The following SRBD1 variants were observed in gnomAD, a reference collection of about 807,000 sequenced individuals.
SRBD1 encodes S1 RNA binding domain 1.
SRBD1 carries 88 observed loss-of-function variants against 115.3 expected under a neutral mutation model. That is an observed-to-expected ratio of 0.76 (90% CI 0.64 to 0.91). SRBD1 has a LOEUF of 0.91. SRBD1 is among the 40% of genes least tolerant of loss of function. The pLI, the probability that SRBD1 is intolerant of heterozygous loss-of-function variation, is 0.00. For missense variants in SRBD1, 1,385 were observed against 1,177.4 expected, an observed-to-expected ratio of 1.18 and a Z score of -2.58; for synonymous variants, 509 against 407.7, an observed-to-expected ratio of 1.25 and a Z score of -2.99.
At chr2:45,518,534 C>G (rs1671187997) in intron 14 of SRBD1, among the ~76,000 whole-genome samples, 1 of 152,162 alleles carries the variant, frequency 6.6e-6, no homozygotes, top group East Asian at 1.9e-4. Context: ...CACCTCATAC[C>G]TCTCATTACC....
chr2:45,562,093 C>T (rs1672681360), intron 10 of SRBD1, among the ~76,000 whole-genome samples: 1 of 152,174 alleles, frequency 6.6e-6, no homozygotes, highest in African/African-American at 2.4e-5. Flanking sequence ...CAGAGATAAT[C>T]ACTATCAAAA....
chr2:45,453,372 C>A (rs1362925715), intron 16 of SRBD1, among the ~76,000 whole-genome samples: 1 of 151,726 alleles, frequency 6.6e-6, no homozygotes, highest in Non-Finnish European at 1.5e-5. Flanking sequence ...CAGAGTTAAG[C>A]ACTTTTATTA....
intron 16 of SRBD1, among the ~76,000 whole-genome samples, chr2:45,476,455 C>T (rs1440346649): frequency 1.3e-5 from 2 of 152,136 alleles, no homozygotes; most frequent in Non-Finnish European, 2.9e-5. Context: ...AGACAACTTC[C>T]CCACATACCA....
chr2:45,425,794 G>A (rs760880761), intron 16 of SRBD1, among the ~76,000 whole-genome samples: 10 of 152,160 alleles, frequency 6.6e-5, no homozygotes, highest in African/African-American at 1.2e-4. Flanking sequence ...GGACTGTGCT[G>A]TGAGGAATGG....
chr2:45,473,481 G>C (rs1189237583), intron 16 of SRBD1, among the ~76,000 whole-genome samples: 1 of 152,102 alleles, frequency 6.6e-6, no homozygotes, highest in Non-Finnish European at 1.5e-5. Context: ...TTTTGGAAGG[G>C]AGTACTTCCA....
chr2:45,484,905 G>A (rs1383482103), intron 15 of SRBD1, among the ~76,000 whole-genome samples: 4 of 152,160 alleles, frequency 2.6e-5, no homozygotes. Context: ...ATATGGTGTT[G>A]TAGCATGTAC....
chr2:45,450,489 G>A (rs1668961090), intron 16 of SRBD1, among the ~76,000 whole-genome samples: 1 of 152,094 alleles, frequency 6.6e-6, no homozygotes, highest in Non-Finnish European at 1.5e-5. Flanking sequence ...TATACTGGAA[G>A]AGTTACAATA....
chr2:45,449,686 A>G lies in SRBD1; in HGVS notation c.2049+27307T>C, dbSNP rs138962498. ...TTTTCAGAGCTATACAAATTAAAAC[A>G]CTGTATTTTTACACCAACATTCTCA... On this transcript the variant is annotated intron_variant, in intron 16 of 20. Transcript: ENST00000263736. Among the ~76,000 whole-genome samples, 349 of 152,306 alleles carry G rather than the reference A, an allele frequency of 2.3e-3. 2 individuals carry two copies. The highest frequency in any genetic ancestry group is 8.1e-3 in the African/African-American group (336 of 41,580).
chr2:45,403,999 C>A (rs974400189), intron 19 of SRBD1, among the ~76,000 whole-genome samples: 7 of 152,016 alleles, frequency 4.6e-5, no homozygotes, highest in South Asian at 2.1e-4. Flanking sequence ...AGGTGATTTA[C>A]GCCCTCCAGG....
intron 16 of SRBD1, among the ~76,000 whole-genome samples, chr2:45,463,407 T>A (rs1294992505): frequency 2.0e-5 from 3 of 152,192 alleles, no homozygotes; most frequent in Admixed American, 2.0e-4. Context: ...TTAAAGATCA[T>A]GATCAACTCA....
At chr2:45,507,901 C>A (rs1670844300) in intron 14 of SRBD1, among the ~76,000 whole-genome samples, 1 of 151,868 alleles carries the variant, frequency 6.6e-6, no homozygotes, top group East Asian at 1.9e-4. Context: ...TCTCAATGCT[C>A]AGATGAATTC....
At chr2:45,493,041 G>C (rs1329874564) in intron 14 of SRBD1, among the ~76,000 whole-genome samples, 1 of 152,062 alleles carries the variant, frequency 6.6e-6, no homozygotes, top group Admixed American at 6.5e-5. Flanking sequence ...GAATTCTTCA[G>C]GCTCTACAAA....
In SRBD1 at chr2:45,518,922, A is replaced by G. The variant is rs191570608; in HGVS notation, c.1874+27810T>C. On this transcript the variant is annotated intron_variant, in intron 14 of 20. Transcript: ENST00000263736. Reference sequence around the variant, plus strand: ...CATTTTTCCCAGAGAGAAATGACAGATTTGAGCTTTCTCAGGGTGAGCTCC... The same window carrying G: ...CATTTTTCCCAGAGAGAAATGACAGGTTTGAGCTTTCTCAGGGTGAGCTCC... Among the ~76,000 whole-genome samples the G allele has an allele frequency of 9.2e-5, 14 of 151,580 alleles. No homozygotes were observed. In the East Asian group the frequency reaches 2.7e-3, roughly 29 times the overall value.
At position 45,574,609 on chromosome 2, in the gene SRBD1, CA is replaced by C. The variant is rs1490089416; in HGVS notation, c.1169+17del. On this transcript the variant is annotated intron_variant, in intron 8 of 20. Coordinates refer to ENST00000263736, the MANE Select transcript of SRBD1 (RefSeq NM_018079.5). ...CATGAGTCCATAAAGCAGAAAACTC[CA>C]TAAAAGAGATACTCACAAGTTCCGA... 1 of 1,609,806 alleles carries C rather than the reference CA, an allele frequency of 6.2e-7. No homozygotes were observed.
At chr2:45,582,488 T>A (rs572870945) in intron 5 of SRBD1, among the ~76,000 whole-genome samples, 2 of 152,314 alleles carry the variant, frequency 1.3e-5, no homozygotes, top group South Asian at 4.1e-4. Context: ...TAATTATAAG[T>A]ATTTTGTGGA....
At chr2:45,431,239 T>G (rs1452235475) in intron 16 of SRBD1, among the ~76,000 whole-genome samples, 1 of 152,200 alleles carries the variant, frequency 6.6e-6, no homozygotes, top group African/African-American at 2.4e-5. Context: ...GAAGACAGTG[T>G]GGTGATTCCT....
At position 45,493,042 on chromosome 2, in the gene SRBD1, G is replaced by C. The variant is rs565287442; in HGVS notation, c.1875-4711C>G. 4.7e-4 allele frequency among the ~76,000 whole-genome samples: 72 copies of C among 152,134 alleles called. 1 individual carries two copies. In the South Asian group the frequency reaches 0.014, roughly 29 times the overall value. ...ACAAAAGTATATTAGAATTCTTCAG[G>C]CTCTACAAATATCTAGCATCTTCCC... On this transcript the variant is annotated intron_variant, in intron 14 of 20. Transcript: ENST00000263736.
intron 19 of SRBD1, among the ~76,000 whole-genome samples, chr2:45,403,638 T>A (rs1167461360): frequency 6.6e-6 from 1 of 152,138 alleles, no homozygotes; most frequent in African/African-American, 2.4e-5. Context: ...AGATGCATTA[T>A]TTATTTTGCA....
chr2:45,443,043 G>C (rs1264146098), intron 16 of SRBD1, among the ~76,000 whole-genome samples: 1 of 152,178 alleles, frequency 6.6e-6, no homozygotes, highest in African/African-American at 2.4e-5. Context: ...TAAGAAATAA[G>C]GCTGGAGAGT....
Sources: allele counts gnomAD v4.1 joint callset (sites outside exome capture counted in the v4.1 genomes callset), GRCh38; gene constraint gnomAD v4.1.1; transcripts MANE v1.5; gene names NCBI Gene and HGNC (gene_info 2026-07-23, HGNC 2026-07-21).